Variants in RSPO4 observed in about 807,000 individuals in gnomAD.
RSPO4 encodes R-spondin 4.
In RSPO4, 23 loss-of-function variants were observed where a neutral mutation model predicts 24.8. The observed-to-expected ratio is 0.93, with a 90% CI of 0.67 to 1.31. RSPO4 has a LOEUF of 1.31. Ranked by LOEUF, RSPO4 falls within the 40% of genes most tolerant of loss-of-function variation. The pLI, the probability that RSPO4 is intolerant of heterozygous loss-of-function variation, is 0.00. For missense variants in RSPO4, 333 were observed against 316.5 expected, an observed-to-expected ratio of 1.05 and a Z score of -0.39; for synonymous variants, 141 against 127.4, an observed-to-expected ratio of 1.11 and a Z score of -0.72.
At chr20:961,939 ATCATCCACCTACCTAC>A (rs1283896601) in intron 4 of RSPO4, among the ~76,000 whole-genome samples, 1 of 150,590 alleles carries the variant, frequency 6.6e-6, no homozygotes, top group Admixed American at 6.6e-5. Context: ...CACCCACCTA[ATCATCCACCTACCTAC>A]TCATCCACCC....
intron 1 of RSPO4, among the ~76,000 whole-genome samples, chr20:998,256 G>T (rs1195156536): frequency 2.6e-5 from 4 of 152,126 alleles, no homozygotes; most frequent in Non-Finnish European, 5.9e-5. Flanking sequence ...GGGAAAGTCA[G>T]TCACAGGCTG....
chr20:996,462 C>G (rs1387659770), intron 1 of RSPO4, among the ~76,000 whole-genome samples: 1 of 152,192 alleles, frequency 6.6e-6, no homozygotes, highest in East Asian at 1.9e-4. Context: ...GAGGCTGAGA[C>G]CACCACCACC....
intron 3 of RSPO4, among the ~76,000 whole-genome samples, chr20:965,792 C>T (rs1402538143): frequency 3.9e-5 from 6 of 152,168 alleles, no homozygotes; most frequent in South Asian, 4.1e-4. Flanking sequence ...TCTCAGGTGT[C>T]GCTTCTGTCT....
At chr20:1,001,017 C>T (rs2122286919) in intron 1 of RSPO4, among the ~76,000 whole-genome samples, 1 of 152,350 alleles carries the variant, frequency 6.6e-6, no homozygotes, top group African/African-American at 2.4e-5. Flanking sequence ...TCCCCTTTAT[C>T]CTTGCTCAGA....
chr20:988,048 T>C (rs1984976303), intron 1 of RSPO4, among the ~76,000 whole-genome samples: 1 of 152,154 alleles, frequency 6.6e-6, no homozygotes, highest in South Asian at 2.1e-4. Context: ...TGGAAGGGCA[T>C]CTCTGAGATA....
intron 1 of RSPO4, among the ~76,000 whole-genome samples, chr20:990,778 G>A (rs1019207459): frequency 7.2e-5 from 11 of 152,216 alleles, no homozygotes; most frequent in Admixed American, 1.3e-4. Context: ...CAGGGGCAGG[G>A]AGTCTCCAGC....
chr20:979,114 C>G lies in RSPO4; in HGVS notation c.80-10976G>C, dbSNP rs542232064. ...ACTATTGGCCCATCAGGAATCCGGT[C>G]AGTTCCACTTCTGAAATATGTCTGG... On this transcript the variant is annotated intron_variant, in intron 1 of 4. Coordinates refer to ENST00000217260, the MANE Select transcript of RSPO4 (RefSeq NM_001029871.4). Among the ~76,000 whole-genome samples the G allele has an allele frequency of 3.9e-5, 6 of 152,210 alleles. No homozygotes were observed. The South Asian group carries it at 1.2e-3, about 32-fold the overall frequency.
chr20:999,735 T>C (rs748345181), intron 1 of RSPO4, among the ~76,000 whole-genome samples: 17 of 151,736 alleles, frequency 1.1e-4, no homozygotes, highest in Non-Finnish European at 2.5e-4. Context: ...ACTGAGCTCC[T>C]GGGGAGGTGG....
At chr20:999,321 G>A (rs1231354061) in intron 1 of RSPO4, among the ~76,000 whole-genome samples, 1 of 152,102 alleles carries the variant, frequency 6.6e-6, no homozygotes, top group Non-Finnish European at 1.5e-5. Flanking sequence ...GGGTTACACT[G>A]TCTGTCTCCA....
At chr20:992,459 G>C (rs1985141290) in intron 1 of RSPO4, among the ~76,000 whole-genome samples, 1 of 151,912 alleles carries the variant, frequency 6.6e-6, no homozygotes, top group South Asian at 2.1e-4. Context: ...GGTCTGCTGA[G>C]CACTTTCAAA....
Position 959,512 on chromosome 20 carries a change from C to A in RSPO4, c.*845G>T, listed in dbSNP as rs1308951106. 6.6e-6 allele frequency: 1 copy of A among 152,486 alleles called. No homozygotes were observed. The highest frequency in any genetic ancestry group is 1.5e-5 in the Non-Finnish European group (1 of 68,290). 9.4% of individuals were successfully genotyped at this position (152,486 alleles called of 1,614,324 possible). On this transcript the variant is annotated 3_prime_UTR_variant, in exon 5 of 5. Transcript: ENST00000217260. ...CTCTTCTGGGCTGGGCAGGTGGATC[C>A]CCCAGCAGTGACAGCTCACCTGATC...
chr20:976,542 G>A (rs775473771), intron 1 of RSPO4, among the ~76,000 whole-genome samples: 1 of 152,134 alleles, frequency 6.6e-6, no homozygotes, highest in African/African-American at 2.4e-5. Context: ...AGGAGTCAAC[G>A]GCTCAACATG....
chr20:989,512 A>T (rs780280505), intron 1 of RSPO4, among the ~76,000 whole-genome samples: 6 of 152,190 alleles, frequency 3.9e-5, no homozygotes, highest in Non-Finnish European at 5.9e-5. Context: ...GGTGCTCAAT[A>T]AATGGTAGGA....
chr20:980,375 C>T (rs754596017), intron 1 of RSPO4, among the ~76,000 whole-genome samples: 1 of 152,148 alleles, frequency 6.6e-6, no homozygotes, highest in Non-Finnish European at 1.5e-5. Flanking sequence ...CTTGACCTCA[C>T]CTGAGACAGG....
intron 3 of RSPO4, among the ~76,000 whole-genome samples, 171 bp from the exon 4 acceptor site, chr20:964,291 C>G (rs891767631): frequency 6.6e-6 from 1 of 152,170 alleles, no homozygotes; most frequent in Non-Finnish European, 1.5e-5. Flanking sequence ...GAGAGCGAAA[C>G]GAATGCATGC....
At chr20:962,258 C>G (rs887792863) in intron 4 of RSPO4, among the ~76,000 whole-genome samples, 6 of 152,076 alleles carry the variant, frequency 3.9e-5, no homozygotes, top group Non-Finnish European at 7.4e-5. Flanking sequence ...AAAATGACTC[C>G]GGGGAGGGGG....
At chr20:978,032 T>C (rs1283042733) in intron 1 of RSPO4, among the ~76,000 whole-genome samples, 1 of 152,056 alleles carries the variant, frequency 6.6e-6, no homozygotes, top group East Asian at 1.9e-4. Context: ...GATTGCACCA[T>C]CTCTAGCAAG....
rs201162335 is a variant in RSPO4 at position 960,382 on chromosome 20, G to A, written c.680C>T (p.Pro227Leu). ...TCAGGGCTGCAGGCCGGGCTGGCGC[G>A]GCCTCACGTCCAGCCTGCGGTCCAG... ...RKLDRRLDVR[P>L]RQPGLQP The change falls in exon 5 of 5, where the codon CCG becomes CTG. Residue 227 changes from proline (P) to leucine (L), a missense_variant. Coordinates refer to ENST00000217260, the MANE Select transcript of RSPO4 (RefSeq NM_001029871.4). 578 of 1,537,690 alleles carry A rather than the reference G, an allele frequency of 3.8e-4. 3 individuals carry two copies. The highest frequency in any genetic ancestry group is 1.5e-3 in the Admixed American group (75 of 51,132).
chr20:999,923 C>T (rs987907150), intron 1 of RSPO4, among the ~76,000 whole-genome samples: 1 of 152,096 alleles, frequency 6.6e-6, no homozygotes, highest in Non-Finnish European at 1.5e-5. Flanking sequence ...GGCTGGAGTG[C>T]AGTGGCATGA....
Sources: allele counts gnomAD v4.1 joint callset (sites outside exome capture counted in the v4.1 genomes callset), GRCh38; gene constraint gnomAD v4.1.1; transcripts MANE v1.5; gene names NCBI Gene and HGNC (gene_info 2026-07-23, HGNC 2026-07-21).